MEGF11: variants seen among roughly 807,000 people sequenced by gnomAD.
The protein encoded by MEGF11 is multiple epidermal growth factor-like domains protein 11.
A neutral mutation model predicts 146.6 loss-of-function variants in MEGF11; 126 were observed. That is an observed-to-expected ratio of 0.86 (90% CI 0.74 to 1.00). MEGF11 has a LOEUF of 1.00. MEGF11 is among the 50% of genes least tolerant of loss of function. MEGF11 has a pLI of 0.00. For synonymous variants in MEGF11, 532 were observed against 583.4 expected, an observed-to-expected ratio of 0.91 and a Z score of 1.27; for missense variants, 1,509 against 1,521.2, an observed-to-expected ratio of 0.99 and a Z score of 0.13.
chr15:65,967,203 CAATTAGAAAAGTT>C (rs2081135171), intron 8 of MEGF11: 1 of 152,098 alleles, frequency 6.6e-6, no homozygotes, highest in African/African-American at 2.4e-5. Flanking sequence ...AATTGGGGCT[CAATTAGAAAAGTT>C]AGTTATTTTC....
chr15:66,194,846 A>G (rs1040409124), intron 1 of MEGF11, among the ~76,000 whole-genome samples: 4 of 152,128 alleles, frequency 2.6e-5, no homozygotes, highest in African/African-American at 9.7e-5. Context: ...AAAAATTAAA[A>G]ATTAATGTAG....
chr15:65,988,760 A>G (rs2081947244), intron 5 of MEGF11, among the ~76,000 whole-genome samples: 1 of 152,196 alleles, frequency 6.6e-6, no homozygotes, highest in African/African-American at 2.4e-5. Flanking sequence ...TTAGCCCTGG[A>G]GTCTCTCTGG....
At chr15:66,149,163 G>C (rs557627345) in intron 1 of MEGF11, among the ~76,000 whole-genome samples, 3 of 152,318 alleles carry the variant, frequency 2.0e-5, no homozygotes, top group African/African-American at 7.2e-5. Context: ...CACGGCCACA[G>C]GCCCAGGCGC....
chr15:66,113,216 C>A (rs1473646531), intron 4 of MEGF11, among the ~76,000 whole-genome samples: 2 of 152,106 alleles, frequency 1.3e-5, no homozygotes. Flanking sequence ...TGCAGACCAC[C>A]TCCTAGGGTT....
chr15:66,117,746 T>C (rs897457426), intron 4 of MEGF11, among the ~76,000 whole-genome samples: 5 of 152,098 alleles, frequency 3.3e-5, no homozygotes, highest in Admixed American at 2.6e-4. Flanking sequence ...CATCTACACC[T>C]GGGTCTCAGT....
chr15:66,062,961 A>G (rs2084966261), intron 5 of MEGF11, among the ~76,000 whole-genome samples: 1 of 152,230 alleles, frequency 6.6e-6, no homozygotes, highest in South Asian at 2.1e-4. Flanking sequence ...CATTTTTGTT[A>G]AACCATCCCT....
intron 1 of MEGF11, among the ~76,000 whole-genome samples, chr15:66,199,437 C>G (rs987168326): frequency 1.3e-5 from 2 of 152,128 alleles, no homozygotes; most frequent in African/African-American, 2.4e-5. Context: ...CTCTGGCTTG[C>G]TCTCCTGCCT....
At chr15:66,168,856 C>T (rs1359799598) in intron 1 of MEGF11, among the ~76,000 whole-genome samples, 4 of 152,074 alleles carry the variant, frequency 2.6e-5, no homozygotes, top group South Asian at 2.1e-4. Context: ...GGCGTGGTGG[C>T]GCATGCCTGT....
intron 4 of MEGF11, among the ~76,000 whole-genome samples, chr15:66,102,628 C>G (rs563231795): frequency 6.6e-6 from 1 of 151,994 alleles, no homozygotes; most frequent in Admixed American, 6.6e-5. Flanking sequence ...CAGGGTCTTT[C>G]TCATATCAGA....
At chr15:66,087,844 G>GACA (rs899028420) in intron 5 of MEGF11, among the ~76,000 whole-genome samples, 1 of 151,964 alleles carries the variant, frequency 6.6e-6, no homozygotes, top group African/African-American at 2.4e-5. Flanking sequence ...ATGAAATTGA[G>GACA]ACAACAACAA....
intron 5 of MEGF11, among the ~76,000 whole-genome samples, chr15:66,046,597 G>T (rs911106971): frequency 2.0e-5 from 3 of 152,206 alleles, no homozygotes; most frequent in African/African-American, 7.2e-5. Context: ...TCTCACGCAG[G>T]CTTAGGCTGA....
chr15:66,050,004 C>T (rs1478728542), intron 5 of MEGF11, among the ~76,000 whole-genome samples: 1 of 152,188 alleles, frequency 6.6e-6, no homozygotes, highest in African/African-American at 2.4e-5. Flanking sequence ...AGGATACAGT[C>T]AAGAATTAGA....
At chr15:66,006,499 C>A (rs2082524673) in intron 5 of MEGF11, among the ~76,000 whole-genome samples, 1 of 152,200 alleles carries the variant, frequency 6.6e-6, no homozygotes, top group Non-Finnish European at 1.5e-5. Flanking sequence ...CCACATGTGG[C>A]TGAGCTCTAA....
chr15:66,166,876 A>G (rs1273245581), intron 1 of MEGF11, among the ~76,000 whole-genome samples: 2 of 152,124 alleles, frequency 1.3e-5, no homozygotes, highest in Non-Finnish European at 2.9e-5. Context: ...TAAAAGTACA[A>G]GTGAATAAAG....
chr15:65,927,880 G>T (rs2079428519), intron 13 of MEGF11, among the ~76,000 whole-genome samples: 1 of 152,168 alleles, frequency 6.6e-6, no homozygotes, highest in South Asian at 2.1e-4. Context: ...AGCCACTGAG[G>T]CATTCTGAAC....
rs528507888 is a variant in MEGF11, at chr15:65,917,866, C to T, written c.2086+100G>A. On this transcript the variant is annotated intron_variant, in intron 16 of 25. Transcript: ENST00000395614. ...CTACATGCAGAAGGAGATTTCATCC[C>T]TGGAAGTGGAGGCACCAGGACAGAG... 22 of 1,436,160 alleles carry T rather than the reference C, an allele frequency of 1.5e-5. No homozygotes were observed. In the Middle Eastern group the frequency reaches 5.3e-4, roughly 35 times the overall value. The allele number at this position is 1,436,160 out of a possible 1,614,324, so 89.0% of individuals were successfully genotyped here. A position where few individuals can be genotyped will look rare whatever the true frequency, so the allele number is the denominator to read the frequency against.
chr15:65,950,366 T>G (rs1193393144), intron 10 of MEGF11, among the ~76,000 whole-genome samples: 1 of 152,000 alleles, frequency 6.6e-6, no homozygotes, highest in African/African-American at 2.4e-5. Flanking sequence ...GGGCAGATCA[T>G]GAGAGGCCAG....
At chr15:65,974,710 G>T (rs1401512943) in intron 7 of MEGF11, among the ~76,000 whole-genome samples, 3 of 152,062 alleles carry the variant, frequency 2.0e-5, no homozygotes, top group African/African-American at 7.2e-5. Flanking sequence ...GAGGTGTGGG[G>T]GTACTCCAGG....
At chr15:66,229,238 C>A (rs546306641) in intron 1 of MEGF11, among the ~76,000 whole-genome samples, 2 of 152,122 alleles carry the variant, frequency 1.3e-5, no homozygotes, top group South Asian at 4.2e-4. Context: ...ACTAGCCTTG[C>A]AGCTTCTGAG....
Sources: gnomAD v4.1 joint callset for allele counts (sites outside exome capture counted in the v4.1 genomes callset) on GRCh38, gnomAD v4.1.1 for gene constraint, MANE v1.5 for transcripts, NCBI Gene and HGNC (gene_info 2026-07-23, HGNC 2026-07-21) for gene names.